Variants in CTTNBP2 observed in about 807,000 individuals in gnomAD.
CTTNBP2 encodes the protein cortactin binding protein 2, also known as cortactin-binding protein 2.
CTTNBP2 carries 108 observed loss-of-function variants against 156.9 expected under a neutral mutation model. The observed-to-expected ratio is 0.69, with a 90% confidence interval of 0.59 to 0.81. The LOEUF is 0.81. CTTNBP2 is among the 30% of genes least tolerant of loss of function. CTTNBP2 has a pLI of 0.00. For missense variants in CTTNBP2, 1,924 were observed against 2,035.4 expected (o/e 0.95, Z 1.05); for synonymous variants, 767 against 751.8 (o/e 1.02, Z -0.33).
chr7:117,770,142 T>C (rs577287211), intron 8 of CTTNBP2, among the ~76,000 whole-genome samples: 1 of 152,312 alleles, frequency 6.6e-6, no homozygotes, highest in African/African-American at 2.4e-5. Flanking sequence ...CTATAGCACA[T>C]AACAAATGTC....
intron 2 of CTTNBP2, among the ~76,000 whole-genome samples, chr7:117,831,925 A>G (rs1277185180): frequency 6.6e-6 from 1 of 152,056 alleles, no homozygotes; most frequent in Non-Finnish European, 1.5e-5. Context: ...TGCCTTCTCC[A>G]CTTCCTTTTC....
chr7:117,836,942 G>T (rs1801989968), intron 2 of CTTNBP2, among the ~76,000 whole-genome samples: 1 of 152,124 alleles, frequency 6.6e-6, no homozygotes, highest in Admixed American at 6.5e-5. Context: ...GGGAATTATG[G>T]GAGCTATAAT....
At chr7:117,818,404 A>G (rs1231008986) in intron 2 of CTTNBP2, among the ~76,000 whole-genome samples, 1 of 152,212 alleles carries the variant, frequency 6.6e-6, no homozygotes, top group East Asian at 1.9e-4. Context: ...CAATGATACA[A>G]AAAGCCACAG....
rs546582417 is a variant in CTTNBP2, at chr7:117,809,787, G to A, written c.414+978C>T. ...TATCATAAATATTTATAAGTATAGT[G>A]CATTCAGGTTAACCATCAACTAGGT... On this transcript the variant is annotated intron_variant, in intron 3 of 22. Transcript: ENST00000160373. Among the ~76,000 whole-genome samples the A allele has an allele frequency of 2.0e-5, 3 of 152,280 alleles. No individual in the cohort carries two copies. In the South Asian group the frequency reaches 6.2e-4, roughly 32 times the overall value.
intron 2 of CTTNBP2, among the ~76,000 whole-genome samples, chr7:117,812,706 G>T (rs749915951): frequency 1.3e-5 from 2 of 152,128 alleles, no homozygotes; most frequent in Non-Finnish European, 2.9e-5. Flanking sequence ...TCACTTGAGA[G>T]ATGCAATTTC....
At position 117,792,829 on chromosome 7, in the gene CTTNBP2, T is replaced by C; in HGVS notation, c.415-48A>G. Reference sequence around the variant, plus strand: ...CCCTGATTAATATACAGAATTTTCTTTTCACCAAGGAAATGCTTTTTGTGA... The same window carrying C: ...CCCTGATTAATATACAGAATTTTCTCTTCACCAAGGAAATGCTTTTTGTGA... On this transcript the variant is annotated intron_variant, in intron 3 of 22. Coordinates refer to ENST00000160373, the MANE Select transcript of CTTNBP2 (RefSeq NM_033427.3). The surrounding 1 kb of genome is among the most constrained non-coding windows in gnomAD (Gnocchi z 4.2). 7.6e-7 allele frequency: 1 copy of C among 1,315,462 alleles called. No individual in the cohort carries two copies. The highest frequency in any genetic ancestry group is 2.1e-5 in the South Asian group (1 of 48,270). The allele number at this position is 1,315,462 out of a possible 1,614,324, so 81.5% of individuals were successfully genotyped here. A position where few individuals can be genotyped will look rare whatever the true frequency, so the allele number is the denominator to read the frequency against.
intron 3 of CTTNBP2, among the ~76,000 whole-genome samples, chr7:117,807,851 C>A (rs1243567319): frequency 6.6e-6 from 1 of 152,186 alleles, no homozygotes; most frequent in African/African-American, 2.4e-5. Context: ...AAGAGCTAGT[C>A]CTCTAGGCTT....
At chr7:117,861,720 G>A (rs1019025477) in intron 1 of CTTNBP2, among the ~76,000 whole-genome samples, 10 of 152,180 alleles carry the variant, frequency 6.6e-5, no homozygotes, top group African/African-American at 2.4e-4. Context: ...TTCCTGGGAG[G>A]TTATTATAAA....
At chr7:117,738,766 T>C (rs1795840806) in intron 14 of CTTNBP2, among the ~76,000 whole-genome samples, 1 of 152,024 alleles carries the variant, frequency 6.6e-6, no homozygotes, top group Non-Finnish European at 1.5e-5. Context: ...TGGTGGGGCA[T>C]GAGGGTGAGG....
At chr7:117,727,611 A>T in intron 17 of CTTNBP2, among the ~76,000 whole-genome samples, 1 of 152,138 alleles carries the variant, frequency 6.6e-6, no homozygotes, top group Non-Finnish European at 1.5e-5. Context: ...GATGGTAACA[A>T]ATTTTTTCTC....
intron 14 of CTTNBP2, among the ~76,000 whole-genome samples, chr7:117,743,504 T>C (rs1446963209): frequency 6.6e-6 from 1 of 152,054 alleles, no homozygotes; most frequent in Non-Finnish European, 1.5e-5. Flanking sequence ...TTCATGTTTA[T>C]AAATCAGGGA....
At chr7:117,777,385 A>C (rs1798160441) in intron 8 of CTTNBP2, 126 bp downstream of exon 8, 1 of 953,568 alleles carries the variant, frequency 1.0e-6, no homozygotes, top group Non-Finnish European at 1.6e-6. Context: ...GTATTGGTAA[A>C]TAACATCTGC....
chr7:117,770,402 T>C (rs1013060744), intron 8 of CTTNBP2, among the ~76,000 whole-genome samples: 1 of 151,948 alleles, frequency 6.6e-6, no homozygotes, highest in African/African-American at 2.4e-5. Flanking sequence ...ACTACAAGAG[T>C]AAATTCTGCA....
At chr7:117,794,877 C>CTTTTTTTTTTTTTTTTT (rs755340586) in intron 3 of CTTNBP2, among the ~76,000 whole-genome samples, 1 of 88,322 alleles carries the variant, frequency 1.1e-5, no homozygotes. Context: ...ATATGTATAT[C>CTTTTTTTTTTTTTTTTT]TTTTTTTTTT....
chr7:117,820,056 A>G (rs940586199), intron 2 of CTTNBP2, among the ~76,000 whole-genome samples: 1 of 152,200 alleles, frequency 6.6e-6, no homozygotes, highest in African/African-American at 2.4e-5. Context: ...CTTGTATGCC[A>G]CTTACCACCT....
In CTTNBP2 at chr7:117,794,466, AAG is replaced by A. The variant is rs540921305; in HGVS notation, c.415-1687_415-1686del. Among the ~76,000 whole-genome samples, 16 of 152,346 alleles carry A rather than the reference AAG, an allele frequency of 1.1e-4. No individual in the cohort carries two copies. In the South Asian group the frequency reaches 3.3e-3, roughly 32 times the overall value. ...AGATGTTAAACACAAATATCCTCCC[AAG>A]AGAGTCACTACTTATTTGAGTCAAA... is the stretch of plus-strand genomic sequence containing the variant. On this transcript the variant is annotated intron_variant, in intron 3 of 22. Coordinates refer to ENST00000160373, the MANE Select transcript of CTTNBP2 (RefSeq NM_033427.3).
At chr7:117,736,228 G>A (rs530977017) in intron 14 of CTTNBP2, among the ~76,000 whole-genome samples, 1 of 152,268 alleles carries the variant, frequency 6.6e-6, no homozygotes, top group African/African-American at 2.4e-5. Context: ...GCCAGGGTGG[G>A]CAGATCACTT....
intron 1 of CTTNBP2, among the ~76,000 whole-genome samples, chr7:117,872,931 G>T (rs7796616): frequency 0.76 from 116,104 of 151,950 alleles, 45,433 homozygotes; most frequent in African/African-American, 0.93. Context: ...GACACGCGCT[G>T]GCAACCACGC....
chr7:117,857,867 T>G (rs2117227994), intron 2 of CTTNBP2, among the ~76,000 whole-genome samples: 1 of 152,274 alleles, frequency 6.6e-6, no homozygotes, highest in Non-Finnish European at 1.5e-5. Flanking sequence ...CATTAGTCAC[T>G]CAGTTACATT....
Sources: allele counts gnomAD v4.1 joint callset (sites outside exome capture counted in the v4.1 genomes callset), GRCh38; gene constraint gnomAD v4.1.1; non-coding constraint Gnocchi (gnomAD v3.1); transcripts MANE v1.5; gene names NCBI Gene and HGNC (gene_info 2026-07-23, HGNC 2026-07-21).